NUBPL: variants seen among roughly 807,000 people sequenced by gnomAD.
NUBPL encodes the protein NUBP iron-sulfur cluster assembly factor, mitochondrial.
Under a neutral mutation model 45.7 loss-of-function variants are expected in NUBPL, and 31 were observed. The observed-to-expected ratio is 0.68, with a 90% CI of 0.51 to 0.92. The LOEUF (loss-of-function observed/expected upper bound fraction) is 0.92. NUBPL is among the 40% of genes least tolerant of loss of function. The pLI is 0.00. For missense variants in NUBPL, 401 were observed against 398.7 expected, an observed-to-expected ratio of 1.01 and a Z score of -0.05; for synonymous variants, 144 against 140.9, an observed-to-expected ratio of 1.02 and a Z score of -0.15.
intron 4 of NUBPL, among the ~76,000 whole-genome samples, chr14:31,640,373 G>A (rs1227262252): frequency 6.6e-6 from 1 of 152,148 alleles, no homozygotes. Flanking sequence ...GCCAAGGTGG[G>A]TGGATCACTT....
chr14:31,826,774 C>G (rs966080419), intron 8 of NUBPL, 60 bp downstream of exon 8: 13 of 1,451,158 alleles, frequency 9.0e-6, no homozygotes, highest in African/African-American at 1.4e-5. Context: ...AGAAGCAAGT[C>G]ATTGAAAAAT....
intron 4 of NUBPL, among the ~76,000 whole-genome samples, chr14:31,632,978 T>C (rs574888384): frequency 2.6e-5 from 4 of 152,354 alleles, no homozygotes; most frequent in African/African-American, 9.6e-5. Flanking sequence ...GGATGGGTAA[T>C]TTTAGGTTTA....
intron 4 of NUBPL, among the ~76,000 whole-genome samples, chr14:31,672,452 G>A (rs1015493536): frequency 6.6e-6 from 1 of 152,052 alleles, no homozygotes; most frequent in African/African-American, 2.4e-5. Flanking sequence ...TTGTAGTTGA[G>A]TTGTTTTATT....
rs138983264 is a variant in NUBPL at position 31,828,402 on chromosome 14, C to G, written c.693+1688C>G. Reference sequence around the variant, plus strand: ...AGTAATCTATAATCCTTCTTTCTGGCAGAAATTAGATAACAGTGCCAATTG... The same window carrying G: ...AGTAATCTATAATCCTTCTTTCTGGGAGAAATTAGATAACAGTGCCAATTG... On this transcript the variant is annotated intron_variant, in intron 8 of 10. Coordinates refer to ENST00000281081, the MANE Select transcript of NUBPL (RefSeq NM_025152.3). 1.8e-3 allele frequency among the ~76,000 whole-genome samples: 278 copies of G among 152,178 alleles called. 1 individual carries two copies. Among genetic ancestry groups the G allele is most frequent in the African/African-American group, 6.4e-3 (264 of 41,542 alleles).
intron 6 of NUBPL, chr14:31,771,749 G>A (rs757572287): frequency 1.1e-5 from 3 of 273,976 alleles, no homozygotes; most frequent in Admixed American, 6.5e-5. Flanking sequence ...CTTATAATAG[G>A]CTCTCAATAA....
chr14:31,791,908 C>T (rs1595632871), intron 7 of NUBPL, among the ~76,000 whole-genome samples: 2 of 152,072 alleles, frequency 1.3e-5, no homozygotes, highest in African/African-American at 2.4e-5. Context: ...GGTACCGCGG[C>T]GATTGCCTGT....
chr14:31,595,635 A>G (rs997988403), intron 3 of NUBPL, among the ~76,000 whole-genome samples: 15 of 152,152 alleles, frequency 9.9e-5, no homozygotes, highest in Non-Finnish European at 4.4e-5. Flanking sequence ...TTGCTCATTT[A>G]TTTTTCTAAC....
At chr14:31,625,710 A>T (rs901440984) in intron 4 of NUBPL, among the ~76,000 whole-genome samples, 1 of 152,088 alleles carries the variant, frequency 6.6e-6, no homozygotes, top group Non-Finnish European at 1.5e-5. Flanking sequence ...TCCTGACTTC[A>T]AGTGATCTGC....
chr14:31,700,800 C>G (rs963297335), intron 6 of NUBPL, among the ~76,000 whole-genome samples: 1 of 152,180 alleles, frequency 6.6e-6, no homozygotes, highest in South Asian at 2.1e-4. Context: ...GGCTCAGGAC[C>G]TGCAGCCTGC....
intron 7 of NUBPL, among the ~76,000 whole-genome samples, chr14:31,818,951 A>G (rs995408534): frequency 6.6e-6 from 1 of 152,202 alleles, no homozygotes. Flanking sequence ...AATCACTTGT[A>G]TAGTCTGTTG....
intron 6 of NUBPL, among the ~76,000 whole-genome samples, chr14:31,728,500 G>C (rs113363442): frequency 0.014 from 2,074 of 152,144 alleles, 40 homozygotes; most frequent in African/African-American, 0.047. Context: ...TATTTTGTTA[G>C]AACCACCTTG....
chr14:31,609,639 T>C (rs145089714), intron 4 of NUBPL, among the ~76,000 whole-genome samples: 230 of 152,304 alleles, frequency 1.5e-3, no homozygotes, highest in Admixed American at 1.7e-3. Context: ...CCTCAGCACA[T>C]GGATCATTCT....
chr14:31,833,256 C>A lies in NUBPL; in HGVS notation c.693+6542C>A, dbSNP rs112998337. Reference sequence around the variant, plus strand: ...TGGTGGCATGCAACTGTAGTCCAAGCTACTCAGGAGGCTGAGGTGGGAGGA... The same window carrying A: ...TGGTGGCATGCAACTGTAGTCCAAGATACTCAGGAGGCTGAGGTGGGAGGA... On this transcript the variant is annotated intron_variant, in intron 8 of 10. Coordinates refer to ENST00000281081, the MANE Select transcript of NUBPL (RefSeq NM_025152.3). Among the ~76,000 whole-genome samples the A allele has an allele frequency of 7.9e-3, 1,197 of 152,050 alleles. 16 individuals are homozygous for A. The highest frequency in any genetic ancestry group is 0.027 in the African/African-American group (1,116 of 41,458).
At chr14:31,626,101 T>G (rs11628225) in intron 4 of NUBPL, among the ~76,000 whole-genome samples, 10,007 of 152,270 alleles carry the variant, frequency 0.066, 436 homozygotes, top group Non-Finnish European at 0.092. Context: ...ATATTTTATT[T>G]ATAAATCACC....
intron 6 of NUBPL, among the ~76,000 whole-genome samples, chr14:31,782,403 A>G (rs901455241): frequency 6.6e-6 from 1 of 152,056 alleles, no homozygotes; most frequent in Non-Finnish European, 1.5e-5. Flanking sequence ...TCAAACAAAC[A>G]AACAATCAAA....
intron 7 of NUBPL, among the ~76,000 whole-genome samples, chr14:31,800,431 C>G (rs540717206): frequency 1.3e-5 from 2 of 152,288 alleles, no homozygotes; most frequent in East Asian, 3.9e-4. Context: ...GATCACTGAT[C>G]ACAGATCACC....
At chr14:31,798,031 A>T (rs2039497746) in intron 7 of NUBPL, among the ~76,000 whole-genome samples, 1 of 147,636 alleles carries the variant, frequency 6.8e-6, no homozygotes, top group African/African-American at 2.6e-5. Flanking sequence ...TGGGTTGAAA[A>T]TTCTTTTCTT....
At chr14:31,563,866 C>T (rs1192141891) in intron 2 of NUBPL, among the ~76,000 whole-genome samples, 4 of 152,144 alleles carry the variant, frequency 2.6e-5, no homozygotes, top group Admixed American at 2.6e-4. Context: ...ACGAATTTAT[C>T]AAGTCTTTGC....
chr14:31,719,882 G>A (rs1224775332), intron 6 of NUBPL, among the ~76,000 whole-genome samples: 1 of 151,786 alleles, frequency 6.6e-6, no homozygotes, highest in Non-Finnish European at 1.5e-5. Context: ...ACTTCATTAT[G>A]CCATGTCATG....
Sources: gnomAD v4.1 joint callset for allele counts (sites outside exome capture counted in the v4.1 genomes callset) on GRCh38, gnomAD v4.1.1 for gene constraint, MANE v1.5 for transcripts, NCBI Gene and HGNC (gene_info 2026-07-23, HGNC 2026-07-21) for gene names.